EPHA5: variants seen among roughly 807,000 people sequenced by gnomAD.
EPHA5 encodes the protein EPH receptor A5.
EPHA5 carries 60 observed loss-of-function variants against 105.0 expected under a neutral mutation model. The ratio of observed to expected loss-of-function variants is 0.57; its 90% CI spans 0.46 to 0.71. The LOEUF is 0.71. Ranked by LOEUF, EPHA5 falls within the 30% of genes least tolerant of loss-of-function variation. EPHA5 has a pLI of 0.00. For missense variants in EPHA5, 1,218 were observed against 1,274.7 expected (o/e 0.96, Z 0.68); for synonymous variants, 513 against 449.1 (o/e 1.14, Z -1.80).
At chr4:65,558,893 A>G (rs1266555541) in intron 3 of EPHA5, among the ~76,000 whole-genome samples, 11 of 152,164 alleles carry the variant, frequency 7.2e-5, no homozygotes, top group African/African-American at 2.7e-4. Flanking sequence ...AAAACAAAAG[A>G]TAAGAATTAT....
At chr4:65,595,150 GAAAA>G in intron 3 of EPHA5, among the ~76,000 whole-genome samples, 1 of 116,718 alleles carries the variant, frequency 8.6e-6, no homozygotes, top group African/African-American at 2.9e-5. Flanking sequence ...CACCATTTCA[GAAAA>G]AAAAAAAAAA....
intron 3 of EPHA5, among the ~76,000 whole-genome samples, chr4:65,505,136 G>A (rs1032969848): frequency 6.6e-6 from 1 of 152,004 alleles, no homozygotes. Flanking sequence ...GAATTGGAAA[G>A]AAGTATTTCT....
At chr4:65,567,663 A>G (rs1739693535) in intron 3 of EPHA5, among the ~76,000 whole-genome samples, 1 of 151,612 alleles carries the variant, frequency 6.6e-6, no homozygotes, top group Admixed American at 6.6e-5. Context: ...CATATATCTA[A>G]AAGCATATTT....
chr4:65,622,222 G>C (rs1394804281), intron 2 of EPHA5, among the ~76,000 whole-genome samples: 1 of 152,008 alleles, frequency 6.6e-6, no homozygotes, highest in Non-Finnish European at 1.5e-5. Flanking sequence ...CTCTTCCACA[G>C]TGAACTGTAA....
At chr4:65,633,563 T>A (rs1401637068) in intron 2 of EPHA5, among the ~76,000 whole-genome samples, 5 of 152,028 alleles carry the variant, frequency 3.3e-5, no homozygotes, top group Admixed American at 2.6e-4. Flanking sequence ...CAGGAGATTT[T>A]TTTTTCAAAA....
intron 3 of EPHA5, among the ~76,000 whole-genome samples, chr4:65,522,306 ATATATATATG>A (rs1293923925): frequency 3.4e-5 from 4 of 117,508 alleles, no homozygotes; most frequent in East Asian, 6.7e-4. Flanking sequence ...ATGTGTGTGT[ATATATATATG>A]TATATATATA....
rs748516205 is a variant in EPHA5, at chr4:65,367,367, A to T, written c.1851T>A (p.His617Gln). Residue 617 changes from histidine to glutamine, a missense_variant, in exon 9 of 17, where the codon CAT becomes CAA. Physicochemically the swap from His to Gln is conservative, Grantham distance 24 (BLOSUM62 0). This residue lies in a region of EPHA5 where 971 missense variants were observed against 1,013.5 expected (regional missense o/e 0.96). Coordinates refer to ENST00000613740, the MANE Select transcript of EPHA5 (RefSeq NM_001281766.3). ...QDPEEEKMHF[H>Q]NGHIKLPGVR... is the part of the protein sequence containing the mutation. Reference sequence around the variant, plus strand: ...TTACAATTTGCTTACTGTGCCCATTATGAAAATGCATCTTTTCCTCTTCTG... The same window carrying T: ...TTACAATTTGCTTACTGTGCCCATTTTGAAAATGCATCTTTTCCTCTTCTG... 10 of 1,611,472 alleles carry T rather than the reference A, an allele frequency of 6.2e-6. No homozygotes were observed. The highest frequency in any genetic ancestry group is 5.1e-6 in the Non-Finnish European group (6 of 1,179,094).
chr4:65,599,453 C>T (rs1341409699), intron 3 of EPHA5, among the ~76,000 whole-genome samples: 1 of 151,904 alleles, frequency 6.6e-6, no homozygotes, highest in Non-Finnish European at 1.5e-5. Flanking sequence ...CCAAAGCAAG[C>T]CCTCAAGATG....
In EPHA5 at chr4:65,487,089, G is replaced by A. The variant is rs1363612684; in HGVS notation, c.1402+3288C>T. ...GAAGCCTCCTGGGGCCTCACAAGAAGCAGAAGCTGCTATGCTTCTTGTACT... is the reference window on the plus strand; with the variant it reads ...GAAGCCTCCTGGGGCCTCACAAGAAACAGAAGCTGCTATGCTTCTTGTACT... On this transcript the variant is annotated intron_variant, in intron 5 of 16. Coordinates refer to ENST00000613740, the MANE Select transcript of EPHA5 (RefSeq NM_001281766.3). Among the ~76,000 whole-genome samples, 4 of 152,176 alleles carry A rather than the reference G, an allele frequency of 2.6e-5. No homozygotes were observed. The East Asian group carries it at 5.8e-4, about 22-fold the overall frequency.
At chr4:65,394,848 C>T (rs1470259679) in intron 8 of EPHA5, among the ~76,000 whole-genome samples, 1 of 151,882 alleles carries the variant, frequency 6.6e-6, no homozygotes, top group African/African-American at 2.4e-5. Flanking sequence ...TAATGATATA[C>T]TTATCATTAT....
chr4:65,666,477 C>G (rs1749974813), intron 1 of EPHA5, among the ~76,000 whole-genome samples: 2 of 152,258 alleles, frequency 1.3e-5, no homozygotes, highest in South Asian at 4.1e-4. Flanking sequence ...TTCAGGGCCA[C>G]CTCCAAAATT....
intron 8 of EPHA5, among the ~76,000 whole-genome samples, chr4:65,399,244 G>A (rs868596074): frequency 1.3e-5 from 2 of 152,270 alleles, no homozygotes; most frequent in Non-Finnish European, 1.5e-5. Flanking sequence ...CACTAATTAA[G>A]TACTTGTGCT....
chr4:65,632,497 C>T (rs12645620), intron 2 of EPHA5, among the ~76,000 whole-genome samples: 36,791 of 144,958 alleles, frequency 0.25, 5,225 homozygotes, highest in East Asian at 0.58. Context: ...CTCCTAAATC[C>T]AAAGGTTGCT....
intron 5 of EPHA5, among the ~76,000 whole-genome samples, chr4:65,469,059 G>A (rs772007844): frequency 5.9e-5 from 9 of 151,986 alleles, no homozygotes; most frequent in East Asian, 1.9e-4. Flanking sequence ...GCTGATGAAC[G>A]GAGGAAGAGA....
At chr4:65,361,619 A>C (rs1027680764) in intron 11 of EPHA5, among the ~76,000 whole-genome samples, 3 of 151,676 alleles carry the variant, frequency 2.0e-5, no homozygotes, top group Non-Finnish European at 4.4e-5. Flanking sequence ...CAGACTAAGG[A>C]AATATATTTG....
intron 3 of EPHA5, among the ~76,000 whole-genome samples, chr4:65,574,679 C>CACATATATATATACACATATATATACAT (rs1553942773): frequency 4.9e-5 from 3 of 61,092 alleles, no homozygotes; most frequent in East Asian, 4.9e-4. Flanking sequence ...CATATATATA[C>CACATATATATATACACATATATATACAT]ATATATATAC....
rs71205395 is a variant in EPHA5 at position 65,609,641 on chromosome 4, GTT to G, written c.247-7339_247-7338del. Among the ~76,000 whole-genome samples the G allele has an allele frequency of 3.2e-4, 46 of 144,322 alleles. No homozygotes were observed. The East Asian group carries it at 4.3e-3, about 13-fold the overall frequency. 94.7% of individuals were successfully genotyped at this position (144,322 alleles called of 152,430 possible). ...TTTTCAACCTGGAGGAAAAAAATCA[GTT>G]TTTTTTTTTTCATTCAATGTTGTCA... On this transcript the variant is annotated intron_variant, in intron 2 of 16. Transcript: ENST00000613740.
chr4:65,461,573 T>C (rs922600461), intron 5 of EPHA5, among the ~76,000 whole-genome samples: 4 of 152,118 alleles, frequency 2.6e-5, no homozygotes, highest in African/African-American at 7.2e-5. Context: ...AAAAATTCCA[T>C]GAAAACATAT....
chr4:65,378,902 T>C (rs780826506), intron 8 of EPHA5, among the ~76,000 whole-genome samples: 7 of 151,884 alleles, frequency 4.6e-5, no homozygotes, highest in Non-Finnish European at 7.4e-5. Context: ...TACTGATATC[T>C]ACTAATGTAG....
Sources: gnomAD v4.1 joint callset for allele counts (sites outside exome capture counted in the v4.1 genomes callset) on GRCh38, gnomAD v4.1.1 for gene constraint, gnomAD v4.1.1 regional missense constraint, MANE v1.5 for transcripts, NCBI Gene and HGNC (gene_info 2026-07-23, HGNC 2026-07-21) for gene names.